Variants in BDP1 observed in about 807,000 individuals in gnomAD.
BDP1 encodes BDP1 general transcription factor IIIB subunit.
Under a neutral mutation model 266.6 loss-of-function variants are expected in BDP1, and 169 were observed. That is an observed-to-expected ratio of 0.63 (90% CI 0.56 to 0.72). The LOEUF is 0.72. BDP1 is among the 30% of genes least tolerant of loss of function. BDP1 has a pLI of 0.00. For synonymous variants in BDP1, 1,090 were observed against 1,022.4 expected (o/e 1.07, Z -1.26); for missense variants, 3,015 against 3,053.8 (o/e 0.99, Z 0.30).
At chr5:71,496,735 G>A (rs1330757040) in intron 12 of BDP1, among the ~76,000 whole-genome samples, 2 of 151,932 alleles carry the variant, frequency 1.3e-5, no homozygotes, top group Non-Finnish European at 1.5e-5. Flanking sequence ...GGCACGTGCC[G>A]CCATGCATGG....
At chr5:71,477,640 A>G (rs1228254674) in intron 7 of BDP1, among the ~76,000 whole-genome samples, 1 of 54,784 alleles carries the variant, frequency 1.8e-5, no homozygotes, top group Non-Finnish European at 4.6e-5. Flanking sequence ...TTTTTTTGAT[A>G]TAGGGTCTCA....
rs986999352 is a variant in BDP1, at chr5:71,497,440, G to A, written c.1956+14G>A. ...TCAGTTGAAAAGGTATGGGGTAAGA[G>A]ATTTCATGGAAATTAAAATTATAAA... On this transcript the variant is annotated intron_variant, in intron 13 of 38. Coordinates refer to ENST00000358731, the MANE Select transcript of BDP1 (RefSeq NM_018429.3). 6.4e-7 allele frequency: 1 copy of A among 1,563,680 alleles called. No individual in the cohort carries two copies. Among genetic ancestry groups the A allele is most frequent in the Non-Finnish European group, 8.6e-7 (1 of 1,158,688 alleles).
intron 17 of BDP1, among the ~76,000 whole-genome samples, chr5:71,511,574 G>A (rs1764922519): frequency 6.6e-6 from 1 of 152,198 alleles, no homozygotes; most frequent in Non-Finnish European, 1.5e-5. Flanking sequence ...TTGAACCCTG[G>A]AGGTTGAGGC....
chr5:71,575,758 G>T, the BDP1 span, among the ~76,000 whole-genome samples: 1 of 151,512 alleles, frequency 6.6e-6, no homozygotes, highest in African/African-American at 2.4e-5. Context: ...TTACCCCAAG[G>T]CATGCTTAAC....
intron 12 of BDP1, among the ~76,000 whole-genome samples, chr5:71,496,437 A>AGTTT (rs1763898453): frequency 2.6e-5 from 2 of 76,358 alleles, no homozygotes; most frequent in South Asian, 1.2e-3. Flanking sequence ...AACATTTATG[A>AGTTT]ATTTTTTTTT....
intron 7 of BDP1, among the ~76,000 whole-genome samples, chr5:71,474,907 G>A (rs1316977795): frequency 6.7e-6 from 1 of 149,966 alleles, no homozygotes; most frequent in South Asian, 2.1e-4. Context: ...GATTACAGGC[G>A]TGAGCCACCA....
intron 32 of BDP1, among the ~76,000 whole-genome samples, chr5:71,546,428 G>C (rs1347626394): frequency 6.6e-6 from 1 of 151,848 alleles, no homozygotes; most frequent in Non-Finnish European, 1.5e-5. Context: ...AGAACAGCCT[G>C]GCAAACAAGG....
At chr5:71,571,352 C>T (rs1341390422), downstream of BDP1, among the ~76,000 whole-genome samples, 1 of 152,090 alleles carries the variant, frequency 6.6e-6, no homozygotes, top group Non-Finnish European at 1.5e-5. Flanking sequence ...GCCATATTGC[C>T]CAGCTGGTTT....
intron 2 of BDP1, among the ~76,000 whole-genome samples, chr5:71,461,589 G>A (rs1284795292): frequency 6.6e-6 from 1 of 152,068 alleles, no homozygotes; most frequent in Non-Finnish European, 1.5e-5. Flanking sequence ...ACTTTAGCCT[G>A]GATGACAGAG....
intron 25 of BDP1, among the ~76,000 whole-genome samples, chr5:71,531,604 G>A (rs1420114710): frequency 1.3e-5 from 2 of 152,122 alleles, no homozygotes; most frequent in Non-Finnish European, 1.5e-5. Context: ...CACCTCCTGG[G>A]TTCAAGCGAT....
intron 16 of BDP1, among the ~76,000 whole-genome samples, chr5:71,508,162 A>G (rs940956852): frequency 5.9e-5 from 9 of 152,108 alleles, no homozygotes; most frequent in Non-Finnish European, 2.9e-5. Flanking sequence ...ACAGGGTTTC[A>G]TCATGTTGGC....
In BDP1 at chr5:71,510,744, A is replaced by G; in HGVS notation, c.3652A>G (p.Lys1218Glu). The G allele has an allele frequency of 6.2e-7, 1 of 1,614,206 alleles. No individual in the cohort carries two copies. Among genetic ancestry groups the G allele is most frequent in the Non-Finnish European group, 8.5e-7 (1 of 1,180,034 alleles). ...ACAGGAAAATGGCCCAGAGGAGGTC[A>G]AGCCTGTAGGTAAAATGGAGACAGA... ...SPQENGPEEVKPVGKMETDLK... is the reference protein window; with the variant it reads ...SPQENGPEEVEPVGKMETDLK... Residue 1218 changes from lysine (K) to glutamate (E), a missense_variant, in exon 17 of 39, where the codon AAG becomes GAG. Lys to Glu is a moderately conservative substitution (Grantham distance 56). Coordinates refer to ENST00000358731, the MANE Select transcript of BDP1 (RefSeq NM_018429.3).
Position 71,496,756 on chromosome 5 carries a change from T to C in BDP1, c.1800-514T>C, listed in dbSNP as rs144678557. Among the ~76,000 whole-genome samples the C allele has an allele frequency of 5.5e-3, 842 of 152,198 alleles. 8 individuals are homozygous for C. The highest frequency in any genetic ancestry group is 0.019 in the African/African-American group (800 of 41,542). ...TGCCGCCATGCATGGCTAATTATTG[T>C]ATTTTTAGTAGAAACGGGGTTTCAC... is the stretch of plus-strand genomic sequence containing the variant. On this transcript the variant is annotated intron_variant, in intron 12 of 38. Transcript: ENST00000358731.
rs760207027 is a variant in BDP1, at chr5:71,510,622, G to A, written c.3530G>A (p.Gly1177Glu). ...DEMETDLKTT[G>E]REGSSREKTR... ...ATGGAGACAGACTTGAAAACAACTG[G>A]AAGAGAGGGTTCCTCAAGGGAGAAG... Residue 1177 changes from glycine to glutamate, a missense_variant, in exon 17 of 39, where the codon GGA (glycine) becomes GAA (glutamate). Around this residue, in one of 3 missense-constraint regions of BDP1, gnomAD observed 2,383 missense variants for 2,404.9 expected, o/e 0.99. Coordinates refer to ENST00000358731, the MANE Select transcript of BDP1 (RefSeq NM_018429.3). 3.1e-6 allele frequency: 5 copies of A among 1,587,374 alleles called. No homozygotes were observed. In the East Asian group the frequency reaches 1.2e-4, roughly 37 times the overall value.
chr5:71,528,152 TC>T (rs1025104836), intron 25 of BDP1, among the ~76,000 whole-genome samples: 6 of 152,134 alleles, frequency 3.9e-5, no homozygotes, highest in Admixed American at 1.3e-4. Context: ...ACTTAACTTT[TC>T]AAGCAACCTT....
At chr5:71,542,701 C>CATATAT (rs34551677) in intron 30 of BDP1, among the ~76,000 whole-genome samples, 3,578 of 149,562 alleles carry the variant, frequency 0.024, 60 homozygotes, top group South Asian at 0.059. Context: ...GAATTGAAAA[C>CATATAT]ATATATATAT....
chr5:71,525,341 G>A (rs1418718472), intron 25 of BDP1, among the ~76,000 whole-genome samples: 1 of 148,592 alleles, frequency 6.7e-6, no homozygotes, highest in South Asian at 2.2e-4. Flanking sequence ...AGGGGCGGCC[G>A]GGCAGAGGCA....
At chr5:71,456,920 T>G (rs574411246) in intron 1 of BDP1, among the ~76,000 whole-genome samples, 3 of 152,336 alleles carry the variant, frequency 2.0e-5, no homozygotes, top group Admixed American at 2.0e-4. Context: ...ATTCTGTTTA[T>G]GCTGTGATAG....
chr5:71,466,234 G>A lies in BDP1; in HGVS notation c.785+13G>A. ...TGGATGAAGAAAGGTATTTAGAAAAGAGAAAAAGTGAGATTGTGGTTACAT... is the reference window on the plus strand; with the variant it reads ...TGGATGAAGAAAGGTATTTAGAAAAAAGAAAAAGTGAGATTGTGGTTACAT... On this transcript the variant is annotated intron_variant, in intron 5 of 38. Transcript: ENST00000358731. The A allele has an allele frequency of 1.2e-6, 2 of 1,612,796 alleles. No individual in the cohort carries two copies. Among genetic ancestry groups the A allele is most frequent in the Non-Finnish European group, 1.7e-6 (2 of 1,179,608 alleles).
Sources: gnomAD v4.1 joint callset for allele counts (sites outside exome capture counted in the v4.1 genomes callset) on GRCh38, gnomAD v4.1.1 for gene constraint, gnomAD v4.1.1 regional missense constraint, MANE v1.5 for transcripts, NCBI Gene and HGNC (gene_info 2026-07-23, HGNC 2026-07-21) for gene names.